The following GBX2 variants were observed in gnomAD, a reference collection of about 807,000 sequenced individuals.
GBX2 encodes gastrulation brain homeobox 2.
GBX2 carries 5 observed loss-of-function variants against 22.4 expected under a neutral mutation model. The ratio of observed to expected loss-of-function variants is 0.22; its 90% CI spans 0.12 to 0.47. The LOEUF (loss-of-function observed/expected upper bound fraction) is 0.47, where lower values mean the gene tolerates loss of function less well. GBX2 is among the 20% of genes least tolerant of loss of function. GBX2 has a pLI of 0.99. For missense variants in GBX2, 470 were observed against 495.4 expected (o/e 0.95, Z 0.49); for synonymous variants, 220 against 230.5 (o/e 0.95, Z 0.41).
At chr2:236,167,222 T>C in intron 1 of GBX2, 1 of 1,528,824 alleles carries the variant, frequency 6.5e-7, no homozygotes, top group Non-Finnish European at 8.8e-7. Flanking sequence ...GGGCAGCAGC[T>C]GGTCGCCGGG....
rs988745527 is a variant in GBX2 at position 236,165,814 on chromosome 2, C to A, written c.*100G>T. 3 of 949,320 alleles carry A rather than the reference C, an allele frequency of 3.2e-6. No individual in the cohort carries two copies. Among genetic ancestry groups the A allele is most frequent in the Non-Finnish European group, 4.8e-6 (3 of 620,700 alleles). The allele number at this position is 949,320 out of a possible 1,614,324, so 58.8% of individuals were successfully genotyped here. On this transcript the variant is annotated 3_prime_UTR_variant, in exon 2 of 2. Coordinates refer to ENST00000306318, the MANE Select transcript of GBX2 (RefSeq NM_001485.4). ...TTTGCTTGGGATGGCCACAGCTGGG[C>A]TGTGACTTTGTTGCTTCAAACACAG...
chr2:236,165,215 C>T (rs1434930931), downstream of GBX2: 3 of 152,200 alleles, frequency 2.0e-5, no homozygotes, highest in Non-Finnish European at 2.9e-5. Context: ...AAATTCTGGA[C>T]ACACTTATGA....
Position 236,165,791 on chromosome 2 carries a change from T to C in GBX2, c.*123A>G. The C allele has an allele frequency of 1.3e-6, 1 of 773,318 alleles. No homozygotes were observed. The highest frequency in any genetic ancestry group is 2.1e-6 in the Non-Finnish European group (1 of 470,124). 47.9% of individuals were successfully genotyped at this position (773,318 alleles called of 1,614,324 possible). A position where few individuals can be genotyped will look rare whatever the true frequency, so the allele number is the denominator to read the frequency against. ...CCATTTAGTGAATATATTCTCAATTTGCTTGGGATGGCCACAGCTGGGCTG... is the reference window on the plus strand; with the variant it reads ...CCATTTAGTGAATATATTCTCAATTCGCTTGGGATGGCCACAGCTGGGCTG... On this transcript the variant is annotated 3_prime_UTR_variant, in exon 2 of 2. Transcript: ENST00000306318.
In GBX2 at chr2:236,166,568, A is replaced by C; in HGVS notation, c.524-131T>G. 8 of 758,792 alleles carry C rather than the reference A, an allele frequency of 1.1e-5. No homozygotes were observed. The highest frequency in any genetic ancestry group is 1.7e-5 in the Non-Finnish European group (8 of 465,546). 47.0% of individuals were successfully genotyped at this position (758,792 alleles called of 1,614,324 possible). ...AGCGGATTGTCTTTCTATGACATTA[A>C]CACATTGTGATTTCCTGGCCTTTGA... On this transcript the variant is annotated intron_variant, in intron 1 of 1. Transcript: ENST00000306318. The surrounding 1 kb of genome is among the most constrained non-coding windows in gnomAD (Gnocchi z 6.6).
In GBX2 at chr2:236,168,102, G is replaced by C; in HGVS notation, c.-131C>G. ...GCCGAGCGGGACCCGGAGAGCAGACGCCTCCGCCCCTCAGTCCTGGGCCCG... is the reference window on the plus strand; with the variant it reads ...GCCGAGCGGGACCCGGAGAGCAGACCCCTCCGCCCCTCAGTCCTGGGCCCG... On this transcript the variant is annotated 5_prime_UTR_variant, in exon 1 of 2. Coordinates refer to ENST00000306318, the MANE Select transcript of GBX2 (RefSeq NM_001485.4). 2 of 976,104 alleles carry C rather than the reference G, an allele frequency of 2.0e-6. No homozygotes were observed. The highest frequency in any genetic ancestry group is 1.4e-6 in the Non-Finnish European group (1 of 736,172). The allele number at this position is 976,104 out of a possible 1,614,324, so 60.5% of individuals were successfully genotyped here.
chr2:236,164,402 G>T (rs2060226570), downstream of GBX2, among the ~76,000 whole-genome samples: 1 of 152,158 alleles, frequency 6.6e-6, no homozygotes, highest in Admixed American at 6.5e-5. Context: ...GTCCGCCGCA[G>T]TATCTGGCGG....
chr2:236,161,928 G>A (rs192205500), downstream of GBX2, among the ~76,000 whole-genome samples: 26 of 152,316 alleles, frequency 1.7e-4, no homozygotes, highest in East Asian at 4.3e-3. Flanking sequence ...GGCTCCTGAG[G>A]CCGGAAAGCT....
chr2:236,166,455 C>T lies in GBX2; in HGVS notation c.524-18G>A. The T allele has an allele frequency of 6.3e-7, 1 of 1,598,384 alleles. No homozygotes were observed. Among genetic ancestry groups the T allele is most frequent in the Non-Finnish European group, 8.6e-7 (1 of 1,169,154 alleles). On this transcript the variant is annotated intron_variant, in intron 1 of 1. Transcript: ENST00000306318. The surrounding 1 kb of genome is among the most constrained non-coding windows in gnomAD (Gnocchi z 6.6). ...AGCCCCGACTGAAAGCAAAACCAAA[C>T]GGCATTTTATTACATTTCGCACACT...
rs1478905269 is a variant in GBX2 at position 236,166,906 on chromosome 2, C to A, written c.524-469G>T. Among the ~76,000 whole-genome samples, 1 of 152,170 alleles carries A rather than the reference C, an allele frequency of 6.6e-6. No homozygotes were observed. Among genetic ancestry groups the A allele is most frequent in the Non-Finnish European group, 1.5e-5 (1 of 68,030 alleles). ...GTGGAGGCGTAGGGACGTGCAGATC[C>A]CAGACCATCTTTTTTGAGACAGACA... is the stretch of plus-strand genomic sequence containing the variant. On this transcript the variant is annotated intron_variant, in intron 1 of 1. Transcript: ENST00000306318. The surrounding 1 kb of genome is among the most constrained non-coding windows in gnomAD (Gnocchi z 6.6).
chr2:236,161,681 G>A (rs1164929831), downstream of GBX2, among the ~76,000 whole-genome samples: 2 of 152,338 alleles, frequency 1.3e-5, no homozygotes, highest in East Asian at 1.9e-4. Flanking sequence ...GGCTGTGCAT[G>A]CCTGGGCAGA....
rs776603768 is a variant in GBX2, at chr2:236,166,478, A to G, written c.524-41T>C. The G allele has an allele frequency of 9.6e-6, 15 of 1,566,616 alleles. No homozygotes were observed. The highest frequency in any genetic ancestry group is 4.1e-5 in the African/African-American group (3 of 73,924). ...AACGGCATTTTATTACATTTCGCAC[A>G]CTGGCCTTCCTTTCTCCTTCCCACC... On this transcript the variant is annotated intron_variant, in intron 1 of 1. Coordinates refer to ENST00000306318, the MANE Select transcript of GBX2 (RefSeq NM_001485.4). This position sits in a 1 kb window ranked among gnomAD's most constrained non-coding sequence, Gnocchi z 6.6.
chr2:236,163,247 C>A (rs1576380407), downstream of GBX2, among the ~76,000 whole-genome samples: 1 of 151,664 alleles, frequency 6.6e-6, no homozygotes, highest in East Asian at 1.9e-4. Flanking sequence ...CTCTCGGGGG[C>A]GCCCCGGGGC....
At chr2:236,162,094 C>T (rs879891765), downstream of GBX2, among the ~76,000 whole-genome samples, 5 of 152,310 alleles carry the variant, frequency 3.3e-5, no homozygotes, top group Admixed American at 6.5e-5. Flanking sequence ...GCCCATTAAG[C>T]TCAAACAAAC....
chr2:236,167,758 G>C lies in GBX2; in HGVS notation c.214C>G (p.Pro72Ala). 6.9e-7 allele frequency: 1 copy of C among 1,452,134 alleles called. No individual in the cohort carries two copies. Among genetic ancestry groups the C allele is most frequent in the Non-Finnish European group, 9.0e-7 (1 of 1,107,598 alleles). 90.0% of individuals were successfully genotyped at this position (1,452,134 alleles called of 1,614,324 possible). The change falls in exon 1 of 2, where the codon CCA becomes GCA. Residue 72 changes from proline (P) to alanine (A), a missense_variant. Physicochemically the swap from Pro to Ala is conservative, Grantham distance 27. Transcript: ENST00000306318. ...PPALPQAALQ[P>A]ALPPAHPHHQ... ...TGAGGGTGTGCGGGCGGCAGCGCTG[G>C]CTGCAGCGCGGCCTGGGGCAGCGCG...
chr2:236,166,504 G>C lies in GBX2; in HGVS notation c.524-67C>G. The C allele has an allele frequency of 7.0e-7, 1 of 1,437,958 alleles. No individual in the cohort carries two copies. The highest frequency in any genetic ancestry group is 2.3e-5 in the East Asian group (1 of 43,784). 89.1% of individuals were successfully genotyped at this position (1,437,958 alleles called of 1,614,324 possible). The stretch of plus-strand genomic sequence containing the variant: ...CTGGCCTTCCTTTCTCCTTCCCACC[G>C]TCATTTGGACATTCCGCGCCCCCCG... On this transcript the variant is annotated intron_variant, in intron 1 of 1. Coordinates refer to ENST00000306318, the MANE Select transcript of GBX2 (RefSeq NM_001485.4). This position sits in a 1 kb window ranked among gnomAD's most constrained non-coding sequence, Gnocchi z 6.6.
rs755522427 is a variant in GBX2 at position 236,167,465 on chromosome 2, C to A, written c.507G>T (p.Thr169=). The A allele has an allele frequency of 1.3e-6, 2 of 1,577,176 alleles. No homozygotes were observed. The highest frequency in any genetic ancestry group is 1.7e-6 in the Non-Finnish European group (2 of 1,169,932). The change falls in exon 1 of 2, where the codon ACG becomes ACT. Residue 169 remains threonine, a synonymous_variant. Coordinates refer to ENST00000306318, the MANE Select transcript of GBX2 (RefSeq NM_001485.4). ...GSLLAFSAAE[T]VQASLVGAVR... is the part of the protein sequence containing the mutation. Reference sequence around the variant, plus strand: ...CCGACTCACCGAGCGAAGCCTGCACCGTCTCGGCCGCGGAGAAGGCGAGCA... The same window carrying A: ...CCGACTCACCGAGCGAAGCCTGCACAGTCTCGGCCGCGGAGAAGGCGAGCA...
chr2:236,166,527 C>G lies in GBX2; in HGVS notation c.524-90G>C. The G allele has an allele frequency of 5.3e-6, 6 of 1,131,174 alleles. No homozygotes were observed. The highest frequency in any genetic ancestry group is 2.4e-5 in the East Asian group (1 of 42,178). 70.1% of individuals were successfully genotyped at this position (1,131,174 alleles called of 1,614,324 possible). A position where few individuals can be genotyped will look rare whatever the true frequency, so the allele number is the denominator to read the frequency against. ...CCGTCATTTGGACATTCCGCGCCCC[C>G]CGCCCCCCACCCTTTAGCGGATTGT... is the stretch of plus-strand genomic sequence containing the variant. On this transcript the variant is annotated intron_variant, in intron 1 of 1. Transcript: ENST00000306318. The surrounding 1 kb of genome is among the most constrained non-coding windows in gnomAD (Gnocchi z 6.6).
rs1351683404 is a variant in GBX2 at position 236,166,399 on chromosome 2, C to T, written c.562G>A (p.Val188Met). 2 of 1,613,608 alleles carry T rather than the reference C, an allele frequency of 1.2e-6. No homozygotes were observed. Among genetic ancestry groups the T allele is most frequent in the Non-Finnish European group, 1.7e-6 (2 of 1,179,722 alleles). ...TCCTTGCCCTTCGGGTCGTCTTCCA[C>T]CTTTGACTCGTCTTTCCCTTGCCCT... is the stretch of plus-strand genomic sequence containing the variant. Reference protein sequence around the residue: ...VRGQGKDESKVEDDPKGKEES... With the variant: ...VRGQGKDESKMEDDPKGKEES... The change falls in exon 2 of 2, where the codon GTG (valine) becomes ATG (methionine). Residue 188 changes from valine to methionine, a missense_variant. Coordinates refer to ENST00000306318, the MANE Select transcript of GBX2 (RefSeq NM_001485.4). This position sits in a 1 kb window ranked among gnomAD's most constrained non-coding sequence, Gnocchi z 6.6.
chr2:236,163,036 G>C (rs544868033), downstream of GBX2, among the ~76,000 whole-genome samples: 1 of 152,360 alleles, frequency 6.6e-6, no homozygotes, highest in Non-Finnish European at 1.5e-5. Context: ...AGCCAGCTGA[G>C]ACGGCCTGGC....
Sources: allele counts gnomAD v4.1 joint callset (sites outside exome capture counted in the v4.1 genomes callset), GRCh38; gene constraint gnomAD v4.1.1; non-coding constraint Gnocchi (gnomAD v3.1); transcripts MANE v1.5; gene names NCBI Gene and HGNC (gene_info 2026-07-23, HGNC 2026-07-21).